The following AKAP7 variants were observed in gnomAD, a reference collection of about 807,000 sequenced individuals.
AKAP7 encodes A-kinase anchoring protein 7.
AKAP7 carries 39 observed loss-of-function variants against 39.5 expected under a neutral mutation model. That is an observed-to-expected ratio of 0.99 (90% CI 0.76 to 1.29). The LOEUF is 1.29. Among genes scored for constraint, AKAP7 ranks in the 50% most tolerant of loss-of-function variants. AKAP7 has a pLI of 0.00. For synonymous variants in AKAP7, 140 were observed against 139.1 expected (o/e 1.01, Z -0.05); for missense variants, 414 against 407.7 (o/e 1.02, Z -0.13).
At chr6:131,146,690 C>A (rs978129346) in intron 2 of AKAP7, among the ~76,000 whole-genome samples, 1 of 152,158 alleles carries the variant, frequency 6.6e-6, no homozygotes, top group African/African-American at 2.4e-5. Context: ...ATGCTTTTTT[C>A]ATGACTAGGG....
chr6:131,261,046 G>A (rs1407918847), intron 7 of AKAP7, among the ~76,000 whole-genome samples: 1 of 151,738 alleles, frequency 6.6e-6, no homozygotes, highest in African/African-American at 2.4e-5. Context: ...AAAATACAAA[G>A]TTAGCTGGGC....
intron 5 of AKAP7, among the ~76,000 whole-genome samples, chr6:131,175,955 T>C (rs1804533114): frequency 6.6e-6 from 1 of 152,228 alleles, no homozygotes; most frequent in Non-Finnish European, 1.5e-5. Flanking sequence ...GGTCATTATT[T>C]TCTTATAAAA....
intron 7 of AKAP7, among the ~76,000 whole-genome samples, chr6:131,240,311 G>A (rs1352604558): frequency 6.6e-6 from 1 of 152,212 alleles, no homozygotes; most frequent in Non-Finnish European, 1.5e-5. Flanking sequence ...GTGTCAGTCT[G>A]CCCCTACTGG....
In AKAP7 at chr6:131,282,319, A is replaced by G. The variant is rs368203612; in HGVS notation, c.*593A>G. 1.5e-6 allele frequency: 2 copies of G among 1,361,682 alleles called. No homozygotes were observed. Among genetic ancestry groups the G allele is most frequent in the Non-Finnish European group, 9.4e-7 (1 of 1,060,200 alleles). The allele number at this position is 1,361,682 out of a possible 1,614,324, so 84.3% of individuals were successfully genotyped here. ...TTCTATAAAATGTGGGCAACATTTT[A>G]AAGTTTTTTTAAAATCCTATTTTGA... On this transcript the variant is annotated 3_prime_UTR_variant, in exon 8 of 8. Transcript: ENST00000431975.
chr6:131,187,661 T>G (rs1245649544), intron 5 of AKAP7, among the ~76,000 whole-genome samples: 1 of 152,152 alleles, frequency 6.6e-6, no homozygotes, highest in Non-Finnish European at 1.5e-5. Flanking sequence ...TGTCCTCAAT[T>G]CCTGCCACAT....
At chr6:131,192,920 A>G (rs1364467352) in intron 5 of AKAP7, among the ~76,000 whole-genome samples, 1 of 152,142 alleles carries the variant, frequency 6.6e-6, no homozygotes, top group Non-Finnish European at 1.5e-5. Flanking sequence ...TGACTTTTGT[A>G]TGTTGATTTC....
chr6:131,185,955 T>G (rs761447672), intron 5 of AKAP7, among the ~76,000 whole-genome samples: 1 of 152,232 alleles, frequency 6.6e-6, no homozygotes, highest in African/African-American at 2.4e-5. Context: ...TTAACTCTTA[T>G]GTTTAGATCT....
At chr6:131,126,803 A>T in the AKAP7 span, among the ~76,000 whole-genome samples, 51 of 152,142 alleles carry the variant, frequency 3.4e-4, no homozygotes, top group Non-Finnish European at 6.3e-4. Flanking sequence ...CAAGGACCAG[A>T]ACTGAGGTTT....
chr6:131,239,980 G>A (rs1224729630), intron 7 of AKAP7, among the ~76,000 whole-genome samples: 11 of 152,122 alleles, frequency 7.2e-5, no homozygotes, highest in South Asian at 4.1e-4. Flanking sequence ...GAGGAGAGGC[G>A]CTCTGATTTT....
At chr6:131,136,955 T>C in intron 1 of AKAP7, 4 of 650,934 alleles carry the variant, frequency 6.1e-6, no homozygotes, top group Non-Finnish European at 5.7e-6. Context: ...TATGTATGTA[T>C]GTATATATGT....
intron 7 of AKAP7, among the ~76,000 whole-genome samples, chr6:131,280,840 C>T (rs1413792703): frequency 6.6e-6 from 1 of 152,112 alleles, no homozygotes; most frequent in African/African-American, 2.4e-5. Context: ...ATAATTAGAC[C>T]TGGATTATCA....
chr6:131,245,411 CGTTTTTTTTTTTGTTTTTTTGTTTTTG>C (rs1811922398), intron 7 of AKAP7, among the ~76,000 whole-genome samples: 1 of 127,636 alleles, frequency 7.8e-6, no homozygotes, highest in Non-Finnish European at 1.7e-5. Context: ...CGCCCAGCTA[CGTTTTTTTTTTTGTTTTTTTGTTTTTG>C]GTTTTTTTTT....
At chr6:131,263,698 G>C (rs1241651218) in intron 7 of AKAP7, among the ~76,000 whole-genome samples, 1 of 152,194 alleles carries the variant, frequency 6.6e-6, no homozygotes, top group East Asian at 1.9e-4. Context: ...GAGCCAGAGA[G>C]AATGTGAGAG....
chr6:131,131,361 A>G (rs1030308745), upstream of AKAP7, among the ~76,000 whole-genome samples: 15 of 152,078 alleles, frequency 9.9e-5, no homozygotes, highest in African/African-American at 3.4e-4. Context: ...ATTGCTCTTC[A>G]TGGAGGTTTT....
chr6:131,143,084 A>G (rs1000197783), intron 1 of AKAP7, among the ~76,000 whole-genome samples: 14 of 152,234 alleles, frequency 9.2e-5, no homozygotes, highest in Non-Finnish European at 1.9e-4. Context: ...TTACAGGCTC[A>G]TAGGTGGAAG....
chr6:131,264,841 C>A (rs975745043), intron 7 of AKAP7, among the ~76,000 whole-genome samples: 6 of 152,240 alleles, frequency 3.9e-5, no homozygotes, highest in African/African-American at 1.2e-4. Context: ...GCAGGCACAT[C>A]ACATGGCAAG....
chr6:131,268,460 A>C (rs1337246995), intron 7 of AKAP7, among the ~76,000 whole-genome samples: 1 of 152,202 alleles, frequency 6.6e-6, no homozygotes, highest in African/African-American at 2.4e-5. Flanking sequence ...ATGAAGTGTT[A>C]CCTGAACAAG....
In AKAP7 at chr6:131,199,491, G is replaced by A. The variant is rs376062191; in HGVS notation, c.620G>A (p.Gly207Asp). 4 of 1,608,084 alleles carry A rather than the reference G, an allele frequency of 2.5e-6. No homozygotes were observed. The highest frequency in any genetic ancestry group is 1.1e-5 in the South Asian group (1 of 90,448). ...GCAAATAGGACATTTCAAGAAAAAGGCATCCTGGTAGGAGAGAGCAGAAGT... is the reference window on the plus strand; with the variant it reads ...GCAAATAGGACATTTCAAGAAAAAGACATCCTGGTAGGAGAGAGCAGAAGT... ...ETANRTFQEK[G>D]ILVGESRSFK... is the part of the protein sequence containing the mutation. The change falls in exon 6 of 8, where the codon GGC becomes GAC. Residue 207 changes from glycine to aspartate, a missense_variant. Coordinates refer to ENST00000431975, the MANE Select transcript of AKAP7 (RefSeq NM_016377.4).
At chr6:131,199,271 C>T (rs1039293014) in intron 5 of AKAP7, among the ~76,000 whole-genome samples, 190 bp from the exon 6 acceptor site, 2 of 152,138 alleles carry the variant, frequency 1.3e-5, no homozygotes, top group African/African-American at 4.8e-5. Flanking sequence ...ATTTAACTGT[C>T]ATATAGCATT....
Sources: gnomAD v4.1 joint callset for allele counts (sites outside exome capture counted in the v4.1 genomes callset) on GRCh38, gnomAD v4.1.1 for gene constraint, MANE v1.5 for transcripts, NCBI Gene and HGNC (gene_info 2026-07-23, HGNC 2026-07-21) for gene names.